The following LIMS1 variants were observed in gnomAD, a reference collection of about 807,000 sequenced individuals.
The protein encoded by LIMS1 is LIM zinc finger domain containing 1.
In LIMS1, 18 loss-of-function variants were observed where a neutral mutation model predicts 44.1. The ratio of observed to expected loss-of-function variants is 0.41; its 90% CI spans 0.28 to 0.61. The LOEUF (loss-of-function observed/expected upper bound fraction) is 0.61, where lower values mean the gene tolerates loss of function less well. LIMS1 is among the 20% of genes least tolerant of loss of function. LIMS1 has a pLI of 0.32. For synonymous variants in LIMS1, 93 were observed against 149.1 expected (o/e 0.62, Z 2.74); for missense variants, 201 against 422.0 (o/e 0.48, Z 4.59).
chr2:108,613,416 G>C (rs1284196362), intron 1 of LIMS1, among the ~76,000 whole-genome samples: 1 of 152,210 alleles, frequency 6.6e-6, no homozygotes, highest in African/African-American at 2.4e-5. Context: ...GTCCACAAAA[G>C]AATGTGGGGA....
chr2:108,639,534 C>T (rs1229848889), intron 1 of LIMS1, among the ~76,000 whole-genome samples: 1 of 152,236 alleles, frequency 6.6e-6, no homozygotes, highest in Non-Finnish European at 1.5e-5. Context: ...CTCATTGCAA[C>T]CTCCACCTCC....
chr2:108,661,625 G>A (rs1396348051), intron 2 of LIMS1, among the ~76,000 whole-genome samples: 1 of 152,184 alleles, frequency 6.6e-6, no homozygotes, highest in Non-Finnish European at 1.5e-5. Flanking sequence ...AGCTGGTGAG[G>A]AGAAGGAATA....
At chr2:108,616,169 G>A (rs1410049936) in intron 1 of LIMS1, among the ~76,000 whole-genome samples, 1 of 146,456 alleles carries the variant, frequency 6.8e-6, no homozygotes, top group Non-Finnish European at 1.5e-5. Flanking sequence ...GCTGCTGTAT[G>A]AGAATGACAC....
intron 9 of LIMS1, among the ~76,000 whole-genome samples, chr2:108,682,351 T>A (rs146939317): frequency 0.029 from 4,442 of 151,866 alleles, 146 homozygotes; most frequent in South Asian, 0.14. Flanking sequence ...TACAAAAAAA[T>A]TAGCCAGGCA....
intron 1 of LIMS1, among the ~76,000 whole-genome samples, chr2:108,572,553 T>C (rs1319169966): frequency 2.0e-5 from 3 of 151,888 alleles, no homozygotes; most frequent in Non-Finnish European, 4.4e-5. Context: ...CCCAGCTAAT[T>C]TTTTGTATTT....
intron 2 of LIMS1, among the ~76,000 whole-genome samples, chr2:108,663,209 C>A (rs1023165877): frequency 2.0e-5 from 3 of 152,076 alleles, no homozygotes; most frequent in African/African-American, 4.8e-5. Context: ...GCCTTGACTT[C>A]CTGGGCTCAA....
chr2:108,588,342 G>A (rs1485102181), intron 1 of LIMS1: 2 of 985,312 alleles, frequency 2.0e-6, no homozygotes, highest in Non-Finnish European at 1.2e-6. Flanking sequence ...AAGCTAAGAT[G>A]AGGAAGTTCT....
At chr2:108,607,235 C>A in intron 1 of LIMS1, 1 of 1,551,042 alleles carries the variant, frequency 6.4e-7, no homozygotes, top group Non-Finnish European at 8.7e-7. Context: ...AGGGACACAT[C>A]GAATCAAGAT....
chr2:108,605,310 G>A (rs1687215798), intron 1 of LIMS1, among the ~76,000 whole-genome samples: 1 of 152,172 alleles, frequency 6.6e-6, no homozygotes, highest in Non-Finnish European at 1.5e-5. Flanking sequence ...TGGGCAAGGT[G>A]TTGTTATAAG....
At chr2:108,533,881 C>G (rs1684008875), upstream of LIMS1, 1 of 152,638 alleles carries the variant, frequency 6.6e-6, no homozygotes, top group Admixed American at 6.5e-5. Flanking sequence ...CCAGCGGTGA[C>G]CGATCCAGAC....
Position 108,645,012 on chromosome 2 carries a change from A to G in LIMS1, c.33-14593A>G, listed in dbSNP as rs376140430. Among the ~76,000 whole-genome samples, 3 of 152,274 alleles carry G rather than the reference A, an allele frequency of 2.0e-5. No homozygotes were observed. In the East Asian group the frequency reaches 5.8e-4, roughly 29 times the overall value. ...ATATGGGACTATGTGAAAAGACCAG[A>G]TCTTTGTTTGATTGGTATACCTGAA... is the stretch of plus-strand genomic sequence containing the variant. On this transcript the variant is annotated intron_variant, in intron 1 of 9. Coordinates refer to ENST00000544547, the Ensembl canonical transcript of LIMS1.
At chr2:108,578,626 C>G (rs1269612994) in intron 1 of LIMS1, among the ~76,000 whole-genome samples, 1 of 142,294 alleles carries the variant, frequency 7.0e-6, no homozygotes, top group Non-Finnish European at 1.5e-5. Flanking sequence ...CGGAGTCTCT[C>G]ACTGTGGCCC....
intron 1 of LIMS1, among the ~76,000 whole-genome samples, chr2:108,568,036 A>T (rs1008313828): frequency 3.9e-5 from 6 of 152,218 alleles, no homozygotes; most frequent in African/African-American, 1.4e-4. Context: ...CATCTGTCTT[A>T]AATGTCTGTA....
chr2:108,661,273 C>T (rs1691347564), intron 2 of LIMS1, among the ~76,000 whole-genome samples: 1 of 150,230 alleles, frequency 6.7e-6, no homozygotes, highest in Non-Finnish European at 1.5e-5. Flanking sequence ...CCAAAACACA[C>T]ATTCCCAACA....
chr2:108,600,278 T>G (rs1336877831), intron 1 of LIMS1, among the ~76,000 whole-genome samples: 1 of 151,518 alleles, frequency 6.6e-6, no homozygotes, highest in African/African-American at 2.4e-5. Flanking sequence ...CTTGAACTCC[T>G]TACCTCAGGT....
intron 1 of LIMS1, among the ~76,000 whole-genome samples, chr2:108,634,070 G>T (rs978656081): frequency 6.6e-6 from 1 of 152,220 alleles, no homozygotes; most frequent in Non-Finnish European, 1.5e-5. Context: ...AAAGGAAAGA[G>T]GAGGGAGGAT....
At chr2:108,657,816 A>G (rs1398561849) in intron 1 of LIMS1, 6 of 152,334 alleles carry the variant, frequency 3.9e-5, no homozygotes, top group Admixed American at 1.3e-4. Flanking sequence ...AGTGATGAAC[A>G]TGGTGTGTCT....
At chr2:108,538,105 C>G (rs1310873283) in intron 1 of LIMS1, among the ~76,000 whole-genome samples, 2 of 152,176 alleles carry the variant, frequency 1.3e-5, no homozygotes, top group Non-Finnish European at 2.9e-5. Flanking sequence ...TTTCCACCCA[C>G]AGGGATGTCA....
intron 1 of LIMS1, among the ~76,000 whole-genome samples, chr2:108,595,738 T>C (rs1686648459): frequency 6.6e-6 from 1 of 152,130 alleles, no homozygotes; most frequent in Admixed American, 6.5e-5. Flanking sequence ...ATCTGAAAAA[T>C]GAAAAACATT....
Sources: allele counts gnomAD v4.1 joint callset (sites outside exome capture counted in the v4.1 genomes callset), GRCh38; gene constraint gnomAD v4.1.1; transcripts MANE v1.5; gene names NCBI Gene and HGNC (gene_info 2026-07-23, HGNC 2026-07-21).